ABTB3: variants seen among roughly 807,000 people sequenced by gnomAD.
ABTB3 encodes the protein ankyrin repeat- and BTB/POZ domain-containing protein 3.
the ABTB3 span, among the ~76,000 whole-genome samples, chr12:107,419,228 GTGGCCTGTGGCCTA>G: frequency 6.6e-6 from 1 of 152,360 alleles, no homozygotes; most frequent in African/African-American, 2.4e-5. Context: ...GCTGTGTGCA[GTGGCCTGTGGCCTA>G]TGAGGGAGAC....
At chr12:107,363,144 G>C in the ABTB3 span, among the ~76,000 whole-genome samples, 1 of 152,224 alleles carries the variant, frequency 6.6e-6, no homozygotes, top group East Asian at 1.9e-4. Flanking sequence ...GGGTTGAAAT[G>C]GCATGCCCCT....
the ABTB3 span, among the ~76,000 whole-genome samples, chr12:107,508,444 T>TTTTTTGTTTG: frequency 1.4e-4 from 11 of 76,896 alleles, no homozygotes; most frequent in South Asian, 9.5e-4. Flanking sequence ...ATTTCTTTTT[T>TTTTTTGTTTG]TTTTTTTTTT....
At chr12:107,623,093 C>T in the ABTB3 span, among the ~76,000 whole-genome samples, 1 of 145,788 alleles carries the variant, frequency 6.9e-6, no homozygotes, top group South Asian at 2.1e-4. Context: ...TGGAGTCTTG[C>T]TCTGTTGCCC....
chr12:107,648,376 A>G, the ABTB3 span, among the ~76,000 whole-genome samples: 4 of 138,908 alleles, frequency 2.9e-5, no homozygotes, highest in East Asian at 6.3e-4. Context: ...GCAAGACCCC[A>G]TCTCCACACA....
At chr12:107,340,190 G>A in the ABTB3 span, among the ~76,000 whole-genome samples, 1 of 151,998 alleles carries the variant, frequency 6.6e-6, no homozygotes, top group Non-Finnish European at 1.5e-5. Flanking sequence ...TTCTTTTCAT[G>A]TGTTGGAGTT....
At chr12:107,552,861 C>T in the ABTB3 span, among the ~76,000 whole-genome samples, 1 of 152,198 alleles carries the variant, frequency 6.6e-6, no homozygotes. Flanking sequence ...TTCCCTACCA[C>T]TTCAGATTGT....
chr12:107,609,899 A>C, the ABTB3 span: 5 of 355,564 alleles, frequency 1.4e-5, no homozygotes, highest in Non-Finnish European at 2.1e-5. Flanking sequence ...TAATTCATGC[A>C]AAGAGCTTAG....
chr12:107,654,583 G>T, the ABTB3 span, among the ~76,000 whole-genome samples: 1 of 152,154 alleles, frequency 6.6e-6, no homozygotes, highest in South Asian at 2.1e-4. Context: ...ACAGATGTGA[G>T]CCACCGCGCC....
the ABTB3 span, among the ~76,000 whole-genome samples, chr12:107,411,678 G>C: frequency 1.3e-3 from 203 of 152,316 alleles, no homozygotes; most frequent in South Asian, 4.1e-3. Context: ...GTGAGCCCAA[G>C]GGCCTCATGA....
the ABTB3 span, among the ~76,000 whole-genome samples, chr12:107,547,228 G>A: frequency 6.6e-6 from 1 of 151,472 alleles, no homozygotes; most frequent in South Asian, 2.1e-4. Flanking sequence ...GGGGGAGGGG[G>A]AGGGGGAGGA....
the ABTB3 span, chr12:107,659,298 C>T: frequency 6.6e-6 from 1 of 152,230 alleles, no homozygotes; most frequent in South Asian, 2.1e-4. Flanking sequence ...ACAGTATTGG[C>T]TCTTCTGCGA....
At chr12:107,357,603 T>C in the ABTB3 span, among the ~76,000 whole-genome samples, 1 of 152,162 alleles carries the variant, frequency 6.6e-6, no homozygotes, top group Non-Finnish European at 1.5e-5. Context: ...AGAGTAAGAT[T>C]CTATCTCTAA....
At chr12:107,345,600 C>T in the ABTB3 span, among the ~76,000 whole-genome samples, 1 of 152,304 alleles carries the variant, frequency 6.6e-6, no homozygotes, top group Admixed American at 6.5e-5. Context: ...ATAGGACACC[C>T]CCAACCCTGG....
chr12:107,622,528 C>T, the ABTB3 span, among the ~76,000 whole-genome samples: 1 of 152,130 alleles, frequency 6.6e-6, no homozygotes, highest in Non-Finnish European at 1.5e-5. Flanking sequence ...GTCGCCCAGA[C>T]TGGAGTGCAG....
At chr12:107,614,935 CG>C in the ABTB3 span, 1 of 734,554 alleles carries the variant, frequency 1.4e-6, no homozygotes, top group Non-Finnish European at 2.3e-6. Flanking sequence ...CAGCTCTTCC[CG>C]AGGCATCTTC....
chr12:107,393,116 C>T, the ABTB3 span, among the ~76,000 whole-genome samples: 5 of 152,156 alleles, frequency 3.3e-5, no homozygotes, highest in Non-Finnish European at 5.9e-5. Flanking sequence ...ATGATTTATA[C>T]GTAGGTGACT....
the ABTB3 span, among the ~76,000 whole-genome samples, chr12:107,464,949 T>TACACACAA: frequency 6.8e-6 from 1 of 146,544 alleles, no homozygotes; most frequent in Non-Finnish European, 1.5e-5. Flanking sequence ...CTCCCTACCT[T>TACACACAA]ACACACACAC....
the ABTB3 span, among the ~76,000 whole-genome samples, chr12:107,458,682 C>T: frequency 2.6e-5 from 4 of 152,108 alleles, no homozygotes; most frequent in Admixed American, 1.3e-4. Flanking sequence ...CCCTAGAAGC[C>T]TGGGGAGTAC....
At chr12:107,347,532 C>A in the ABTB3 span, among the ~76,000 whole-genome samples, 2 of 152,166 alleles carry the variant, frequency 1.3e-5, no homozygotes, top group Admixed American at 6.5e-5. Flanking sequence ...TTCGACCCCC[C>A]TCTTTCTACA....
Sources: gnomAD v4.1 joint callset for allele counts (sites outside exome capture counted in the v4.1 genomes callset) on GRCh38, gnomAD v4.1.1 for gene constraint, MANE v1.5 for transcripts, NCBI Gene and HGNC (gene_info 2026-07-23, HGNC 2026-07-21) for gene names.